ODF2L: variants seen among roughly 807,000 people sequenced by gnomAD.
ODF2L encodes the protein outer dense fiber of sperm tails 2 like, also known as protein BCAP.
In ODF2L, 76 loss-of-function variants were observed where a neutral mutation model predicts 86.3. The ratio of observed to expected loss-of-function variants is 0.88; its 90% CI spans 0.73 to 1.07. The LOEUF (loss-of-function observed/expected upper bound fraction) is 1.07, where lower values mean the gene tolerates loss of function less well. Among genes scored for constraint, ODF2L ranks in the 50% least tolerant of loss-of-function variants. ODF2L has a pLI of 0.00. For missense variants in ODF2L, 748 were observed against 717.4 expected (o/e 1.04, Z -0.49); for synonymous variants, 241 against 231.3 (o/e 1.04, Z -0.38).
At chr1:86,372,610 C>A (rs1195777231) in intron 8 of ODF2L, 70 bp from the exon 9 acceptor site, 2 of 737,812 alleles carry the variant, frequency 2.7e-6, no homozygotes, top group African/African-American at 1.9e-5. Flanking sequence ...TCTCTAAACA[C>A]AAATACATTA....
chr1:86,389,332 C>A (rs1432536983), intron 1 of ODF2L, among the ~76,000 whole-genome samples: 1 of 151,974 alleles, frequency 6.6e-6, no homozygotes, highest in African/African-American at 2.4e-5. Context: ...CTTAAAAATT[C>A]TTCAAACTGA....
At chr1:86,369,263 A>G (rs2101000973) in intron 10 of ODF2L, among the ~76,000 whole-genome samples, 1 of 152,280 alleles carries the variant, frequency 6.6e-6, no homozygotes, top group East Asian at 1.9e-4. Context: ...TCACAATGTC[A>G]CTGCTAAAAA....
At chr1:86,355,589 T>G (rs535646564) in intron 14 of ODF2L, among the ~76,000 whole-genome samples, 2 of 152,280 alleles carry the variant, frequency 1.3e-5, no homozygotes, top group East Asian at 1.9e-4. Flanking sequence ...CAGGTCAGCT[T>G]GTGTCATGGG....
intron 1 of ODF2L, among the ~76,000 whole-genome samples, chr1:86,392,290 C>A (rs995500489): frequency 6.6e-6 from 1 of 152,136 alleles, no homozygotes; most frequent in Admixed American, 6.6e-5. Flanking sequence ...CCTTAAAGAA[C>A]TAATAGTAGA....
intron 4 of ODF2L, among the ~76,000 whole-genome samples, chr1:86,384,079 A>G (rs1162634184): frequency 6.6e-6 from 1 of 151,846 alleles, no homozygotes; most frequent in Non-Finnish European, 1.5e-5. Flanking sequence ...ACAATTTTCT[A>G]TGAGCATGTA....
At chr1:86,358,743 T>TA in intron 13 of ODF2L, 44 bp downstream of exon 12, 1 of 841,496 alleles carries the variant, frequency 1.2e-6, no homozygotes, top group South Asian at 2.0e-5. Context: ...ATTCATAAAG[T>TA]AAAAAATATA....
At chr1:86,367,761 C>T (rs1659542022) in intron 11 of ODF2L, among the ~76,000 whole-genome samples, 1 of 152,076 alleles carries the variant, frequency 6.6e-6, no homozygotes, top group Admixed American at 6.5e-5. Context: ...ATAAAAAGAG[C>T]ACTTCAGGTT....
chr1:86,365,121 C>A (rs1285055073), intron 11 of ODF2L, among the ~76,000 whole-genome samples: 1 of 152,112 alleles, frequency 6.6e-6, no homozygotes, highest in Non-Finnish European at 1.5e-5. Context: ...CTGGCTCTGC[C>A]ACTAATCTAG....
exon 18 of ODF2L, chr1:86,351,890 C>A: frequency 9.3e-7 from 1 of 1,078,428 alleles, no homozygotes; most frequent in Non-Finnish European, 1.1e-6. Flanking sequence ...CTAGCTTTAG[C>A]CAAGTACTAG....
intron 1 of ODF2L, among the ~76,000 whole-genome samples, chr1:86,392,701 T>C (rs967810662): frequency 3.3e-5 from 5 of 151,982 alleles, no homozygotes; most frequent in South Asian, 2.1e-4. Flanking sequence ...AGACTACCAA[T>C]TGGAATTCAG....
At chr1:86,379,154 G>A (rs1399671912) in intron 7 of ODF2L, among the ~76,000 whole-genome samples, 1 of 152,102 alleles carries the variant, frequency 6.6e-6, no homozygotes, top group Non-Finnish European at 1.5e-5. Context: ...CAGAAGCTGA[G>A]CAGATGCCAG....
chr1:86,367,603 AG>A (rs1659532207), intron 11 of ODF2L, among the ~76,000 whole-genome samples: 1 of 152,030 alleles, frequency 6.6e-6, no homozygotes, highest in South Asian at 2.1e-4. Flanking sequence ...GACAATGATA[AG>A]GGCAAAGAGT....
chr1:86,353,114 C>T, intron 16 of ODF2L, 130 bp from the exon 16 acceptor site: 1 of 631,378 alleles, frequency 1.6e-6, no homozygotes, highest in Non-Finnish European at 2.7e-6. Context: ...TAAAGATGTT[C>T]TATCTTGAAG....
At position 86,352,352 on chromosome 1, in the gene ODF2L, CTAAT is replaced by C. The variant is rs909929242; in HGVS notation, c.1894-148_1894-145del. ...AGTATTCAGGAAAAAAAACAGAAGA[CTAAT>C]TAAGCACAGTCACTTTGGTATTTTC... On this transcript the variant is annotated intron_variant, in intron 17 of 17. Coordinates refer to ENST00000317336, the Ensembl canonical transcript of ODF2L. The C allele has an allele frequency of 2.6e-5, 25 of 974,348 alleles. No individual in the cohort carries two copies. In the African/African-American group the frequency reaches 3.4e-4, roughly 13 times the overall value. The allele number at this position is 974,348 out of a possible 1,614,324, so 60.4% of individuals were successfully genotyped here.
In ODF2L at chr1:86,384,804, G is replaced by A. The variant is rs1660822541; in HGVS notation, c.247-3C>T. On this transcript the variant is annotated splice_polypyrimidine_tract_variant and splice_region_variant and intron_variant, in intron 3 of 17. Coordinates refer to ENST00000317336, the Ensembl canonical transcript of ODF2L. ...AAATTCAATGCAGAAAGATTCGCCT[G>A]ACAAATTATAAGAACCACATACACA... is the stretch of plus-strand genomic sequence containing the variant. The A allele has an allele frequency of 8.1e-6, 12 of 1,486,082 alleles. No individual in the cohort carries two copies. The highest frequency in any genetic ancestry group is 1.5e-5 in the African/African-American group (1 of 68,656). The allele number at this position is 1,486,082 out of a possible 1,614,324, so 92.1% of individuals were successfully genotyped here. A position where few individuals can be genotyped will look rare whatever the true frequency, so the allele number is the denominator to read the frequency against.
chr1:86,385,135 A>G (rs981663674), intron 3 of ODF2L, among the ~76,000 whole-genome samples: 4 of 151,988 alleles, frequency 2.6e-5, no homozygotes, highest in Non-Finnish European at 5.9e-5. Context: ...AATACTATAG[A>G]AACAGATATA....
rs1658710334 is a variant in ODF2L at position 86,357,906 on chromosome 1, AC to A, written c.1359+880del. The A allele has an allele frequency of 3.0e-6, 3 of 984,896 alleles. No individual in the cohort carries two copies. In the South Asian group the frequency reaches 1.4e-4, roughly 46 times the overall value. 61.0% of individuals were successfully genotyped at this position (984,896 alleles called of 1,614,324 possible). A position where few individuals can be genotyped will look rare whatever the true frequency, so the allele number is the denominator to read the frequency against. Reference sequence around the variant, plus strand: ...GCCTAGCAGAAAAGGAGACATTTGCACTGGTATGTTTCATGAGAAAATGAGA... The same window carrying A: ...GCCTAGCAGAAAAGGAGACATTTGCATGGTATGTTTCATGAGAAAATGAGA... On this transcript the variant is annotated intron_variant, in intron 13 of 17. Coordinates refer to ENST00000317336, the Ensembl canonical transcript of ODF2L.
chr1:86,380,467 TCATCATCACAC>T (rs1660500444), intron 7 of ODF2L, among the ~76,000 whole-genome samples: 1 of 152,094 alleles, frequency 6.6e-6, no homozygotes, highest in Admixed American at 6.5e-5. Context: ...CCACACGGTG[TCATCATCACAC>T]CATGAATAGT....
intron 9 of ODF2L, among the ~76,000 whole-genome samples, 172 bp downstream of exon 9, chr1:86,372,256 TTAA>T (rs1214193225): frequency 6.6e-6 from 1 of 151,942 alleles, no homozygotes; most frequent in African/African-American, 2.4e-5. Flanking sequence ...TTAATTATTT[TTAA>T]TAATAGAGTA....
Sources: allele counts gnomAD v4.1 joint callset (sites outside exome capture counted in the v4.1 genomes callset), GRCh38; gene constraint gnomAD v4.1.1; transcripts MANE v1.5; gene names NCBI Gene and HGNC (gene_info 2026-07-23, HGNC 2026-07-21).